Variants in CPQ observed in about 807,000 individuals in gnomAD.
CPQ encodes the protein Ser-Met dipeptidase.
CPQ carries 37 observed loss-of-function variants against 45.7 expected under a neutral mutation model. The ratio of observed to expected loss-of-function variants is 0.81; its 90% CI spans 0.62 to 1.07. The LOEUF is 1.07. Ranked by LOEUF, CPQ falls within the 50% of genes least tolerant of loss-of-function variation. The pLI, the probability that CPQ is intolerant of heterozygous loss-of-function variation, is 0.00. For synonymous variants in CPQ, 186 were observed against 205.8 expected (o/e 0.90, Z 0.82); for missense variants, 537 against 572.9 (o/e 0.94, Z 0.64).
chr8:96,803,272 A>T (rs1347963048), intron 2 of CPQ, among the ~76,000 whole-genome samples: 1 of 152,174 alleles, frequency 6.6e-6, no homozygotes, highest in Non-Finnish European at 1.5e-5. Context: ...TAATGGTTGG[A>T]TGATGTTAAC....
intron 4 of CPQ, among the ~76,000 whole-genome samples, chr8:96,951,368 A>C (rs1813262388): frequency 6.6e-6 from 1 of 152,124 alleles, no homozygotes. Flanking sequence ...GGAGAGAGCC[A>C]GTCTATGGCC....
chr8:96,675,231 A>G (rs1359775361), intron 1 of CPQ, among the ~76,000 whole-genome samples: 3 of 151,932 alleles, frequency 2.0e-5, no homozygotes, highest in Non-Finnish European at 4.4e-5. Context: ...CACAGAGACA[A>G]GCACTGTTAT....
chr8:97,031,225 T>C (rs1479705996), intron 6 of CPQ, among the ~76,000 whole-genome samples: 2 of 150,860 alleles, frequency 1.3e-5, no homozygotes, highest in Non-Finnish European at 3.0e-5. Context: ...CTCACTTTGT[T>C]GCCCAGGCTG....
chr8:97,001,282 T>C (rs770901194), intron 5 of CPQ, among the ~76,000 whole-genome samples: 1 of 152,158 alleles, frequency 6.6e-6, no homozygotes, highest in Non-Finnish European at 1.5e-5. Context: ...TTATGTTGAA[T>C]AGGAGTGGTG....
At chr8:97,046,766 A>G (rs1017036443) in intron 6 of CPQ, among the ~76,000 whole-genome samples, 2 of 152,224 alleles carry the variant, frequency 1.3e-5, no homozygotes, top group South Asian at 2.1e-4. Context: ...CCTCACTGCC[A>G]TAGCTGGCAG....
At chr8:97,123,009 TA>T (rs1460342092) in intron 7 of CPQ, among the ~76,000 whole-genome samples, 617 of 23,530 alleles carry the variant, frequency 0.026, 89 homozygotes, top group East Asian at 0.053. Flanking sequence ...AAATATAAAA[TA>T]AAATAAAATA....
chr8:96,897,028 C>T (rs1731755562), intron 4 of CPQ, among the ~76,000 whole-genome samples: 1 of 152,150 alleles, frequency 6.6e-6, no homozygotes, highest in African/African-American at 2.4e-5. Context: ...ACTCTTTCTG[C>T]ACCATGTTAT....
chr8:96,887,792 G>A (rs1278274133), intron 4 of CPQ, among the ~76,000 whole-genome samples: 1 of 152,120 alleles, frequency 6.6e-6, no homozygotes, highest in Non-Finnish European at 1.5e-5. Context: ...GTGGTTGGCG[G>A]TTGATGGTAT....
chr8:97,096,176 A>G (rs966585116), intron 7 of CPQ, among the ~76,000 whole-genome samples: 1 of 152,154 alleles, frequency 6.6e-6, no homozygotes, highest in African/African-American at 2.4e-5. Context: ...TTAATGGGTA[A>G]GGAAACTAAC....
rs149960453 is a variant in CPQ, at chr8:96,810,782, T to G, written c.434-24191T>G. 3.1e-3 allele frequency among the ~76,000 whole-genome samples: 470 copies of G among 152,320 alleles called. 2 individuals are homozygous for G. Among genetic ancestry groups the G allele is most frequent in the African/African-American group, 0.011 (443 of 41,586 alleles). ...TGCTCATAAGAGACAGCTATAGTCT[T>G]GTCAGTCCTTTCACTCTGTTATTTC... On this transcript the variant is annotated intron_variant, in intron 2 of 7. Transcript: ENST00000220763.
chr8:96,744,942 T>C lies in CPQ; in HGVS notation c.-34-39922T>C, dbSNP rs147835462. On this transcript the variant is annotated intron_variant, in intron 1 of 7. Coordinates refer to ENST00000220763, the MANE Select transcript of CPQ (RefSeq NM_016134.4). ...AGCCACTGAATCACCCAATCACTGA[T>C]CCACATCCTATTATTTTGAACTATC... Among the ~76,000 whole-genome samples, 313 of 152,324 alleles carry C rather than the reference T, an allele frequency of 2.1e-3. 1 individual carries two copies. Among genetic ancestry groups the C allele is most frequent in the Admixed American group, 3.5e-3 (53 of 15,298 alleles).
intron 1 of CPQ, among the ~76,000 whole-genome samples, chr8:96,753,962 C>A (rs1189225589): frequency 1.3e-5 from 2 of 151,572 alleles, no homozygotes; most frequent in African/African-American, 4.8e-5. Flanking sequence ...ATCTTTTGTT[C>A]TTTTTTTAAA....
chr8:96,979,769 G>A (rs924465619), intron 5 of CPQ, among the ~76,000 whole-genome samples: 4 of 152,096 alleles, frequency 2.6e-5, no homozygotes, highest in Admixed American at 6.5e-5. Flanking sequence ...GGAAAAGAAC[G>A]TTTCTACTGG....
chr8:96,775,844 C>T (rs962073100), intron 1 of CPQ, among the ~76,000 whole-genome samples: 1 of 151,996 alleles, frequency 6.6e-6, no homozygotes, highest in Non-Finnish European at 1.5e-5. Context: ...TAAAAGTGCT[C>T]CCCCCACATA....
chr8:97,135,318 C>A (rs987751042), intron 7 of CPQ, among the ~76,000 whole-genome samples: 2 of 151,970 alleles, frequency 1.3e-5, no homozygotes, highest in Admixed American at 6.6e-5. Flanking sequence ...TTTTTTCCCC[C>A]TCTTATGAGT....
chr8:97,123,148 TAA>T (rs1229891722), intron 7 of CPQ, among the ~76,000 whole-genome samples: 396 of 20,418 alleles, frequency 0.019, 7 homozygotes, highest in East Asian at 0.053. Context: ...TAAAATAAAA[TAA>T]ATAAAATAAA....
At chr8:97,123,591 G>A (rs1324718020) in intron 7 of CPQ, among the ~76,000 whole-genome samples, 1 of 151,684 alleles carries the variant, frequency 6.6e-6, no homozygotes, top group East Asian at 1.9e-4. Context: ...GAAATGAAAG[G>A]AAGAAAGGAA....
At chr8:97,120,064 GCTGA>G (rs1165167080) in intron 7 of CPQ, among the ~76,000 whole-genome samples, 7 of 152,260 alleles carry the variant, frequency 4.6e-5, no homozygotes, top group East Asian at 3.9e-4. Flanking sequence ...TGATATCCAG[GCTGA>G]CTAAGAACAT....
At chr8:96,668,831 G>A (rs1269513959) in intron 1 of CPQ, among the ~76,000 whole-genome samples, 1 of 151,600 alleles carries the variant, frequency 6.6e-6, no homozygotes, top group East Asian at 1.9e-4. Flanking sequence ...CAGACTTAGA[G>A]CTGAACAAAT....
Sources: allele counts gnomAD v4.1 joint callset (sites outside exome capture counted in the v4.1 genomes callset), GRCh38; gene constraint gnomAD v4.1.1; transcripts MANE v1.5; gene names NCBI Gene and HGNC (gene_info 2026-07-23, HGNC 2026-07-21).